Variants in ZSCAN5B observed in about 807,000 individuals in gnomAD.
The protein encoded by ZSCAN5B is zinc finger and SCAN domain-containing protein 5B.
A neutral mutation model predicts 25.2 loss-of-function variants in ZSCAN5B; 26 were observed. The ratio of observed to expected loss-of-function variants is 1.03; its 90% CI spans 0.76 to 1.43. The LOEUF (loss-of-function observed/expected upper bound fraction) is 1.43. Among genes scored for constraint, ZSCAN5B ranks in the 40% most tolerant of loss-of-function variants. ZSCAN5B has a pLI of 0.00. For synonymous variants in ZSCAN5B, 244 were observed against 240.9 expected, an observed-to-expected ratio of 1.01 and a Z score of -0.12; for missense variants, 745 against 622.1, an observed-to-expected ratio of 1.20 and a Z score of -2.10.
At chr19:56,193,153 T>A in exon 2 of ZSCAN5B, 1 of 1,327,616 alleles carries the variant, frequency 7.5e-7, no homozygotes, top group Non-Finnish European at 1.0e-6. Context: ...TTCTTCTCAG[T>A]AATATATTCA....
Position 56,193,546 on chromosome 19 carries a change from A to G in ZSCAN5B, c.-127-367T>C, listed in dbSNP as rs370039635. On this transcript the variant is annotated intron_variant, in intron 1 of 4. Transcript: ENST00000586855. ...AGACAAGATCCAAGGCAAAGCCCTT[A>G]GTCATAATTATGTAAAAAGCTAGAG... 1.1e-4 allele frequency among the ~76,000 whole-genome samples: 17 copies of G among 152,382 alleles called. No individual in the cohort carries two copies. In the East Asian group the frequency reaches 2.5e-3, roughly 22 times the overall value.
chr19:56,192,905 A>G lies in ZSCAN5B; in HGVS notation c.148T>C (p.Phe50Leu), dbSNP rs779309402. ...GGGTCCGACTCCTCTGGGCAGCTGA[A>G]CATCCTGAAATTCATGTGCCAAGTC... The change falls in exon 2 of 5, where the codon TTC (phenylalanine) becomes CTC (leucine). Residue 50 changes from phenylalanine to leucine, a missense_variant. Coordinates refer to ENST00000586855, the Ensembl canonical transcript of ZSCAN5B. 2.5e-6 allele frequency: 4 copies of G among 1,614,102 alleles called. No homozygotes were observed. The South Asian group carries it at 3.3e-5, about 13-fold the overall frequency.
At position 56,192,061 on chromosome 19, in the gene ZSCAN5B, G is replaced by C. The variant is rs1428591764; in HGVS notation, c.385-8C>G. 1.9e-6 allele frequency: 3 copies of C among 1,606,004 alleles called. No individual in the cohort carries two copies. On this transcript the variant is annotated splice_polypyrimidine_tract_variant and splice_region_variant and intron_variant, in intron 2 of 4. Transcript: ENST00000586855. ...GAGCAAGTTGACTATAGACTGTAGA[G>C]AGAAAAAAGACAATCAGACACTATG...
At chr19:56,196,536 G>A (rs1356734547) in intron 1 of ZSCAN5B, among the ~76,000 whole-genome samples, 1 of 152,108 alleles carries the variant, frequency 6.6e-6, no homozygotes, top group South Asian at 2.1e-4. Context: ...CGATTTAGCC[G>A]TTGCACAATG....
At chr19:56,195,145 A>G (rs1221645200) in intron 1 of ZSCAN5B, among the ~76,000 whole-genome samples, 1 of 152,196 alleles carries the variant, frequency 6.6e-6, no homozygotes, top group African/African-American at 2.4e-5. Flanking sequence ...ACTTCCTGGA[A>G]GGACTCTGAG....
At chr19:56,195,075 A>C (rs555271569) in intron 1 of ZSCAN5B, among the ~76,000 whole-genome samples, 81 of 152,310 alleles carry the variant, frequency 5.3e-4, no homozygotes, top group African/African-American at 1.9e-3. Flanking sequence ...AGAGGGGAGA[A>C]AAAACTGGCA....
Position 56,191,362 on chromosome 19 carries a change from C to T in ZSCAN5B, c.589-375G>A, listed in dbSNP as rs1176033424. ...CTGTGCAGAGCAGAGACCCCGCCTC[C>T]ACCCTCTAGATGCTATCAACACCCC... On this transcript the variant is annotated intron_variant, in intron 3 of 4. Transcript: ENST00000586855. 2.0e-5 allele frequency among the ~76,000 whole-genome samples: 3 copies of T among 152,280 alleles called. No homozygotes were observed. In the South Asian group the frequency reaches 6.2e-4, roughly 32 times the overall value.
At chr19:56,197,298 G>A (rs11084431) in intron 1 of ZSCAN5B, among the ~76,000 whole-genome samples, 79,581 of 151,198 alleles carry the variant, frequency 0.53, 21,585 homozygotes, top group Middle Eastern at 0.67. Flanking sequence ...TCAGTCTCCC[G>A]AATAGCGGGT....
chr19:56,193,004 T>C, exon 2 of ZSCAN5B: 1 of 1,600,880 alleles, frequency 6.2e-7, no homozygotes, highest in Middle Eastern at 1.7e-4. Context: ...GACCCAGGGC[T>C]GTTGCAGGGT....
exon 1 of ZSCAN5B, chr19:56,197,818 A>G (rs2032830752): frequency 2.0e-6 from 2 of 985,200 alleles, no homozygotes; most frequent in Admixed American, 1.2e-4. Flanking sequence ...CTATTTATGG[A>G]GAAGCGGGAC....
exon 2 of ZSCAN5B, chr19:56,193,035 T>C (rs1568585739): frequency 6.4e-7 from 1 of 1,558,782 alleles, no homozygotes; most frequent in Non-Finnish European, 8.7e-7. Flanking sequence ...CCCATGAGAG[T>C]GTCCAATTTG....
In ZSCAN5B at chr19:56,192,660, C is replaced by T. The variant is rs1267439474; in HGVS notation, c.384+9G>A. On this transcript the variant is annotated intron_variant, in intron 2 of 4. Transcript: ENST00000586855. ...CCTTCCCTGCACCAATCACGAGGTT[C>T]CCACTCACCCATTTCTTGGGTCTTC... The T allele has an allele frequency of 1.2e-5, 19 of 1,592,682 alleles. No homozygotes were observed. Among genetic ancestry groups the T allele is most frequent in the Non-Finnish European group, 1.5e-5 (17 of 1,167,458 alleles).
intron 4 of ZSCAN5B, 40 bp from the exon 5 acceptor site, chr19:56,190,615 G>A (rs769425771): frequency 7.5e-6 from 12 of 1,593,048 alleles, no homozygotes; most frequent in Non-Finnish European, 1.0e-5. Context: ...AGTTAACAAA[G>A]CCGATTTTCA....
At chr19:56,194,341 G>A (rs1022200152) in intron 1 of ZSCAN5B, among the ~76,000 whole-genome samples, 17 of 152,078 alleles carry the variant, frequency 1.1e-4, no homozygotes, top group Non-Finnish European at 1.5e-5. Flanking sequence ...TGTCATCCAG[G>A]CTGGAGGGAA....
At chr19:56,192,929 T>A (rs759883974) in exon 2 of ZSCAN5B, 2 of 1,613,934 alleles carry the variant, frequency 1.2e-6, no homozygotes, top group Non-Finnish European at 1.7e-6. Flanking sequence ...ATGTGCCAAG[T>A]CTCAGGGTTC....
At chr19:56,192,075 T>A in intron 2 of ZSCAN5B, 22 bp from the exon 3 acceptor site, 1 of 1,592,530 alleles carries the variant, frequency 6.3e-7, no homozygotes. Flanking sequence ...AAAAAGACAA[T>A]CAGACACTAT....
chr19:56,192,286 G>A (rs1206460225), intron 2 of ZSCAN5B, among the ~76,000 whole-genome samples: 1 of 152,138 alleles, frequency 6.6e-6, no homozygotes, highest in Non-Finnish European at 1.5e-5. Context: ...GAGAAGACAA[G>A]GAGAAATATT....
rs185491243 is a variant in ZSCAN5B at position 56,189,864 on chromosome 19, C to T, written c.1451G>A (p.Arg484His). The T allele has an allele frequency of 1.1e-4, 172 of 1,613,190 alleles. No homozygotes were observed. Among genetic ancestry groups the T allele is most frequent in the Non-Finnish European group, 1.3e-4 (149 of 1,179,442 alleles). ...GGTTTCCCGGTGTGTTTTCAGGTGA[C>T]GCTTGAATGTCCCCAGCTGACGGAA... Residue 484 changes from arginine (R) to histidine (H), a missense_variant, in exon 5 of 5, where the codon CGT becomes CAT. By Grantham distance (29) the Arg-to-His change is conservative. Coordinates refer to ENST00000586855, the Ensembl canonical transcript of ZSCAN5B.
In ZSCAN5B at chr19:56,190,133, CT is replaced by C. The variant is rs774832742; in HGVS notation, c.1181del (p.Gln394ArgfsTer61). 9.9e-6 allele frequency: 16 copies of C among 1,614,060 alleles called. No individual in the cohort carries two copies. In the South Asian group the frequency reaches 1.5e-4, roughly 16 times the overall value. On this transcript the variant is annotated frameshift_variant, in exon 5 of 5. Transcript: ENST00000586855. LOFTEE classifies it low-confidence loss of function (END_TRUNC). ...GCTGGTGAACTCGGAGGTCTGAGGG[CT>C]GCAAGAAGCGCTTCCGACAGAGATC...
Sources: allele counts gnomAD v4.1 joint callset (sites outside exome capture counted in the v4.1 genomes callset), GRCh38; gene constraint gnomAD v4.1.1; transcripts MANE v1.5; gene names NCBI Gene and HGNC (gene_info 2026-07-23, HGNC 2026-07-21).